Variants in GLIS1 observed in about 807,000 individuals in gnomAD.
GLIS1 encodes the protein GLIS family zinc finger 1.
Under a neutral mutation model 63.8 loss-of-function variants are expected in GLIS1, and 24 were observed. That is an observed-to-expected ratio of 0.38 (90% CI 0.27 to 0.53). The LOEUF (loss-of-function observed/expected upper bound fraction) is 0.53. Among genes scored for constraint, GLIS1 ranks in the 20% least tolerant of loss-of-function variants. The pLI is 0.85. For missense variants in GLIS1, 1,036 were observed against 1,074.1 expected (o/e 0.96, Z 0.50); for synonymous variants, 450 against 482.5 (o/e 0.93, Z 0.88).
intron 4 of GLIS1, among the ~76,000 whole-genome samples, chr1:53,583,739 A>G (rs1189993788): frequency 6.6e-6 from 1 of 152,198 alleles, no homozygotes; most frequent in Non-Finnish European, 1.5e-5. Flanking sequence ...TATTGCGAGG[A>G]GGAGGGGCCG....
chr1:53,704,497 A>G (rs1025079965), intron 2 of GLIS1, among the ~76,000 whole-genome samples: 56 of 151,918 alleles, frequency 3.7e-4, no homozygotes, highest in African/African-American at 1.3e-3. Context: ...TGCACCACAC[A>G]CAGCCCTGCC....
intron 4 of GLIS1, among the ~76,000 whole-genome samples, chr1:53,557,587 G>A (rs1644846874): frequency 6.6e-6 from 1 of 152,198 alleles, no homozygotes; most frequent in South Asian, 2.1e-4. Context: ...GCTGAGGCCG[G>A]CTGGGGAAGA....
intron 2 of GLIS1, among the ~76,000 whole-genome samples, chr1:53,633,038 T>C (rs3107571): frequency 0.72 from 95,453 of 133,016 alleles, 33,978 homozygotes; most frequent in Middle Eastern, 0.8. Flanking sequence ...GGCATGTGTA[T>C]GAGTGTGACC....
chr1:53,519,135 C>T (rs958438962), intron 7 of GLIS1, among the ~76,000 whole-genome samples: 3 of 152,222 alleles, frequency 2.0e-5, no homozygotes, highest in Admixed American at 6.5e-5. Flanking sequence ...GAGATACCTT[C>T]GTCCCTGGGT....
intron 4 of GLIS1, among the ~76,000 whole-genome samples, chr1:53,580,415 C>T (rs190624052): frequency 2.0e-5 from 3 of 152,284 alleles, no homozygotes; most frequent in Admixed American, 6.5e-5. Context: ...TTAGCAAAAC[C>T]TCCCCAGAGG....
chr1:53,506,472 G>A lies in GLIS1; in HGVS notation c.*147C>T, dbSNP rs898672045. ...CGGCTCCCTGGCAGCGCTGGGTGGGGTGGCAGCGCTGGCTCCCCTGGGTCA... is the reference window on the plus strand; with the variant it reads ...CGGCTCCCTGGCAGCGCTGGGTGGGATGGCAGCGCTGGCTCCCCTGGGTCA... On this transcript the variant is annotated 3_prime_UTR_variant, in exon 11 of 11. Coordinates refer to ENST00000628545, the MANE Select transcript of GLIS1 (RefSeq NM_001367484.1). 8 of 792,986 alleles carry A rather than the reference G, an allele frequency of 1.0e-5. No individual in the cohort carries two copies. The highest frequency in any genetic ancestry group is 3.7e-4 in the Middle Eastern group (1 of 2,676). 49.1% of individuals were successfully genotyped at this position (792,986 alleles called of 1,614,324 possible). A position where few individuals can be genotyped will look rare whatever the true frequency, so the allele number is the denominator to read the frequency against.
chr1:53,506,860 C>T (rs1238885838), intron 10 of GLIS1, 84 bp from the exon 11 acceptor site: 3 of 1,362,672 alleles, frequency 2.2e-6, no homozygotes, highest in Non-Finnish European at 2.0e-6. Context: ...CCCCACCCCG[C>T]CTGCCCAGGG....
At chr1:53,567,891 G>A (rs979216846) in intron 4 of GLIS1, among the ~76,000 whole-genome samples, 1 of 152,236 alleles carries the variant, frequency 6.6e-6, no homozygotes, top group Non-Finnish European at 1.5e-5. Context: ...GAATGTCCAG[G>A]CAGAAGTCTG....
rs80274012 is a variant in GLIS1, at chr1:53,531,100, C to T, written c.1321-1148G>A. ...GGCAATGACAGGACTCAGGCCAAGT[C>T]TGATGCCAAAGGCCAGGTGGCTCTG... On this transcript the variant is annotated intron_variant, in intron 4 of 10. Transcript: ENST00000628545. Among the ~76,000 whole-genome samples, 400 of 152,358 alleles carry T rather than the reference C, an allele frequency of 2.6e-3. 2 individuals are homozygous for T. Among genetic ancestry groups the T allele is most frequent in the African/African-American group, 9.4e-3 (389 of 41,588 alleles).
chr1:53,537,413 C>T (rs1455028070), intron 4 of GLIS1, among the ~76,000 whole-genome samples: 1 of 152,212 alleles, frequency 6.6e-6, no homozygotes, highest in Non-Finnish European at 1.5e-5. Context: ...GAACCAAGGG[C>T]CCTGTTTCAC....
At chr1:53,561,143 C>A (rs113585506) in intron 4 of GLIS1, among the ~76,000 whole-genome samples, 1 of 152,202 alleles carries the variant, frequency 6.6e-6, no homozygotes, top group South Asian at 2.1e-4. Flanking sequence ...CCCATTCCAC[C>A]CCACTGGCCA....
At chr1:53,584,560 T>G (rs1307872572) in intron 4 of GLIS1, among the ~76,000 whole-genome samples, 1 of 152,208 alleles carries the variant, frequency 6.6e-6, no homozygotes, top group East Asian at 1.9e-4. Context: ...ACTGTACTCC[T>G]TGCTTCTAGC....
intron 7 of GLIS1, among the ~76,000 whole-genome samples, chr1:53,515,920 C>G (rs1038385219): frequency 2.0e-5 from 3 of 151,678 alleles, no homozygotes; most frequent in Middle Eastern, 3.2e-3. Context: ...GCTCTGGCTT[C>G]TCCGGGGCTC....
intron 2 of GLIS1, among the ~76,000 whole-genome samples, chr1:53,720,208 A>G (rs1646739925): frequency 6.6e-6 from 1 of 152,218 alleles, no homozygotes; most frequent in Admixed American, 6.5e-5. Context: ...AAAGGATACC[A>G]TCACCATTAC....
intron 7 of GLIS1, among the ~76,000 whole-genome samples, chr1:53,520,119 C>T (rs1315351854): frequency 1.3e-5 from 2 of 152,190 alleles, no homozygotes; most frequent in African/African-American, 4.8e-5. Flanking sequence ...GCTCAGAGTG[C>T]TCAGCACTGG....
At chr1:53,655,641 G>A (rs561499324) in intron 2 of GLIS1, among the ~76,000 whole-genome samples, 15 of 152,276 alleles carry the variant, frequency 9.9e-5, no homozygotes, top group African/African-American at 2.6e-4. Context: ...CCCCACAGAC[G>A]TTCTGGGCAC....
chr1:53,508,585 C>T (rs1365435960), intron 10 of GLIS1, among the ~76,000 whole-genome samples: 1 of 152,124 alleles, frequency 6.6e-6, no homozygotes, highest in Non-Finnish European at 1.5e-5. Flanking sequence ...ACCTGGGCTG[C>T]GGGCACCCTC....
chr1:53,618,658 G>A (rs3013745), intron 2 of GLIS1, among the ~76,000 whole-genome samples: 102,501 of 151,798 alleles, frequency 0.68, 35,470 homozygotes, highest in Middle Eastern at 0.8. Flanking sequence ...TGCAAAGGGG[G>A]GTTTCTAGGA....
Position 53,714,948 on chromosome 1 carries a change from A to G in GLIS1, c.259+22858T>C, listed in dbSNP as rs148348444. On this transcript the variant is annotated intron_variant, in intron 2 of 10. Coordinates refer to ENST00000628545, the MANE Select transcript of GLIS1 (RefSeq NM_001367484.1). ...ATTTATTTATGTATTTATTTACTTG[A>G]GACAGAGTCTCACTCTGAAGTGCAA... Among the ~76,000 whole-genome samples the G allele has an allele frequency of 8.4e-3, 1,284 of 152,308 alleles. 15 individuals are homozygous for G. Among genetic ancestry groups the G allele is most frequent in the African/African-American group, 0.03 (1,236 of 41,554 alleles).
Sources: gnomAD v4.1 joint callset for allele counts (sites outside exome capture counted in the v4.1 genomes callset) on GRCh38, gnomAD v4.1.1 for gene constraint, MANE v1.5 for transcripts, NCBI Gene and HGNC (gene_info 2026-07-23, HGNC 2026-07-21) for gene names.